SOD2: variants seen among roughly 807,000 people sequenced by gnomAD.
SOD2 encodes superoxide dismutase 2.
A neutral mutation model predicts 27.0 loss-of-function variants in SOD2; 11 were observed. That is an observed-to-expected ratio of 0.41 (90% CI 0.26 to 0.67). The LOEUF is 0.67. Among genes scored for constraint, SOD2 ranks in the 30% least tolerant of loss-of-function variants. SOD2 has a pLI of 0.34. For missense variants in SOD2, 250 were observed against 274.5 expected (o/e 0.91, Z 0.63); for synonymous variants, 105 against 103.0 (o/e 1.02, Z -0.12).
At chr6:159,704,200 G>T (rs542869574) in intron 1 of SOD2, among the ~76,000 whole-genome samples, 2 of 152,296 alleles carry the variant, frequency 1.3e-5, no homozygotes, top group South Asian at 4.1e-4. Flanking sequence ...CAGCATTAGC[G>T]ATGCAGAAGA....
At chr6:159,739,084 G>T in intron 1 of SOD2, 1 of 1,514,478 alleles carries the variant, frequency 6.6e-7, no homozygotes, top group Non-Finnish European at 9.1e-7. Context: ...TCTTTCTATA[G>T]AACATTATAT....
chr6:159,694,336 A>G (rs1777375511), upstream of SOD2, among the ~76,000 whole-genome samples: 1 of 152,200 alleles, frequency 6.6e-6, no homozygotes, highest in Non-Finnish European at 1.5e-5. Flanking sequence ...ATTGAAAAGA[A>G]TATGATGGAA....
intron 1 of SOD2, among the ~76,000 whole-genome samples, chr6:159,705,315 A>T (rs943940252): frequency 6.6e-6 from 1 of 152,202 alleles, no homozygotes; most frequent in African/African-American, 2.4e-5. Context: ...AGACGATCAA[A>T]CTTCTCCGAG....
chr6:159,732,696 C>T (rs1413171527), intron 1 of SOD2, among the ~76,000 whole-genome samples: 1 of 152,024 alleles, frequency 6.6e-6, no homozygotes, highest in Non-Finnish European at 1.5e-5. Context: ...TGGTGGCAGG[C>T]ACCTGTAATC....
chr6:159,726,860 T>C lies in SOD2; in HGVS notation c.-116+269A>G, dbSNP rs1190262691. On this transcript the variant is annotated intron_variant, in intron 1 of 2. Transcript: ENST00000401980. ...AAGTTCTCAAAACTTACAGGTGAGC[T>C]TCTGCTAAGAGTAAACGCCCGCGGC... 2.5e-5 allele frequency: 32 copies of C among 1,289,212 alleles called. 1 individual carries two copies. The South Asian group carries it at 2.6e-4, about 10-fold the overall frequency. 79.9% of individuals were successfully genotyped at this position (1,289,212 alleles called of 1,614,324 possible). A position where few individuals can be genotyped will look rare whatever the true frequency, so the allele number is the denominator to read the frequency against.
intron 1 of SOD2, among the ~76,000 whole-genome samples, chr6:159,757,007 C>G (rs924932323): frequency 1.7e-4 from 26 of 152,026 alleles, no homozygotes; most frequent in Admixed American, 1.6e-3. Flanking sequence ...CTGGCCAGCA[C>G]TACTGATTTT....
At chr6:159,732,604 G>GC (rs1442294001) in intron 1 of SOD2, among the ~76,000 whole-genome samples, 2 of 152,216 alleles carry the variant, frequency 1.3e-5, no homozygotes, top group Non-Finnish European at 2.9e-5. Flanking sequence ...GGAGGCCAAA[G>GC]CAGGTGGATT....
At chr6:159,726,610 C>T in intron 1 of SOD2, 1 of 394,352 alleles carries the variant, frequency 2.5e-6, no homozygotes, top group Admixed American at 3.8e-5. Context: ...TTCAGGGAGT[C>T]TACTCCACTT....
chr6:159,739,015 A>G lies in SOD2; in HGVS notation c.-116+6115T>C, dbSNP rs148080007. On this transcript the variant is annotated intron_variant, in intron 1 of 3. Coordinates refer to the SOD2 transcript ENST00000537657. Reference sequence around the variant, plus strand: ...GTTCGATTGAGTGAAACAGACTTCAAAGTTATGGCAAGAGATGAGTTAATT... The same window carrying G: ...GTTCGATTGAGTGAAACAGACTTCAGAGTTATGGCAAGAGATGAGTTAATT... 247 of 1,612,308 alleles carry G rather than the reference A, an allele frequency of 1.5e-4. 1 individual carries two copies. The highest frequency in any genetic ancestry group is 1.3e-3 in the East Asian group (60 of 44,680).
intron 3 of SOD2, among the ~76,000 whole-genome samples, chr6:159,685,669 C>A (rs1018729789): frequency 3.0e-4 from 33 of 110,378 alleles, no homozygotes; most frequent in Non-Finnish European, 5.5e-4. Context: ...CAGTTTTCAC[C>A]CCCCGTCCCC....
Position 159,727,164 on chromosome 6 carries a change from G to A in SOD2, c.-151C>T, listed in dbSNP as rs960319087. ...GAGCTCCGGGGCCCGCGGAGCTCGC[G>A]CCAGGCTCCTGGGAAAGGACGGGGA... On this transcript the variant is annotated 5_prime_UTR_variant, in exon 1 of 3. Transcript: ENST00000401980. The A allele has an allele frequency of 7.5e-6, 9 of 1,198,428 alleles. No individual in the cohort carries two copies. In the African/African-American group the frequency reaches 1.1e-4, roughly 15 times the overall value. 74.2% of individuals were successfully genotyped at this position (1,198,428 alleles called of 1,614,324 possible). A position where few individuals can be genotyped will look rare whatever the true frequency, so the allele number is the denominator to read the frequency against.
chr6:159,727,094 G>A lies in SOD2; in HGVS notation c.-116+35C>T, dbSNP rs1778213526. ...TGCCCTGGGGCTGACCTCCGACCTCGCTGGCCCGCCCCTCCCCTCGGCCGC... is the reference window on the plus strand; with the variant it reads ...TGCCCTGGGGCTGACCTCCGACCTCACTGGCCCGCCCCTCCCCTCGGCCGC... On this transcript the variant is annotated intron_variant, in intron 1 of 2. Coordinates refer to the SOD2 transcript ENST00000401980. The A allele has an allele frequency of 7.5e-6, 9 of 1,194,620 alleles. No homozygotes were observed. In the South Asian group the frequency reaches 1.2e-4, roughly 16 times the overall value. 74.0% of individuals were successfully genotyped at this position (1,194,620 alleles called of 1,614,324 possible).
At chr6:159,703,382 A>G in intron 1 of SOD2, among the ~76,000 whole-genome samples, 1 of 147,382 alleles carries the variant, frequency 6.8e-6, no homozygotes, top group Non-Finnish European at 1.5e-5. Flanking sequence ...GCAGCTTACT[A>G]CATGGAAGTT....
chr6:159,754,848 C>T (rs1240268577), intron 1 of SOD2, among the ~76,000 whole-genome samples: 1 of 152,062 alleles, frequency 6.6e-6, no homozygotes, highest in Non-Finnish European at 1.5e-5. Context: ...CTGACTTCCC[C>T]CAAAACAAAC....
intron 1 of SOD2, among the ~76,000 whole-genome samples, chr6:159,702,776 G>T (rs568080082): frequency 7.3e-6 from 1 of 136,626 alleles, no homozygotes; most frequent in South Asian, 2.5e-4. Context: ...CTTGAGCCCA[G>T]AAGGCAGAGG....
rs1279294630 is a variant in SOD2, at chr6:159,675,574, T to C, written c.*6919A>G. The C allele has an allele frequency of 6.6e-6, 1 of 152,186 alleles. No individual in the cohort carries two copies. The highest frequency in any genetic ancestry group is 2.4e-5 in the African/African-American group (1 of 41,440). The allele number at this position is 152,186 out of a possible 1,614,324, so 9.4% of individuals were successfully genotyped here. Reference sequence around the variant, plus strand: ...AGAAAGCTGAAACTGGATCCCTTCCTTACACCTTATACAAAAATTAATTCA... The same window carrying C: ...AGAAAGCTGAAACTGGATCCCTTCCCTACACCTTATACAAAAATTAATTCA... On this transcript the variant is annotated 3_prime_UTR_variant, in exon 5 of 5. Coordinates refer to ENST00000538183, the MANE Select transcript of SOD2 (RefSeq NM_000636.4).
chr6:159,682,698 T>A, intron 4 of SOD2, 60 bp from the exon 5 acceptor site: 3 of 1,496,966 alleles, frequency 2.0e-6, no homozygotes, highest in Non-Finnish European at 1.8e-6. Flanking sequence ...CATTGCATCT[T>A]CTCAATTTCA....
upstream of SOD2, among the ~76,000 whole-genome samples, chr6:159,728,487 G>T (rs185050501): frequency 1.3e-5 from 2 of 152,280 alleles, no homozygotes; most frequent in East Asian, 3.9e-4. Flanking sequence ...GTTACAATTG[G>T]AAGTTGTATT....
chr6:159,732,851 TCTCTCTC>T (rs1778663002), intron 1 of SOD2, among the ~76,000 whole-genome samples: 1 of 61,940 alleles, frequency 1.6e-5, no homozygotes, highest in African/African-American at 1.1e-4. Context: ...TCTGCTTCTT[TCTCTCTC>T]TCTCTCTCTC....
Sources: allele counts gnomAD v4.1 joint callset (sites outside exome capture counted in the v4.1 genomes callset), GRCh38; gene constraint gnomAD v4.1.1; transcripts MANE v1.5; gene names NCBI Gene and HGNC (gene_info 2026-07-23, HGNC 2026-07-21).